Variants in TMOD1 observed in about 807,000 individuals in gnomAD.
The protein encoded by TMOD1 is tropomodulin 1, also known as tropomodulin-1.
A neutral mutation model predicts 40.6 loss-of-function variants in TMOD1; 17 were observed. The observed-to-expected ratio is 0.42, with a 90% confidence interval of 0.29 to 0.63. The LOEUF (loss-of-function observed/expected upper bound fraction) is 0.63, where lower values mean the gene tolerates loss of function less well. TMOD1 is among the 20% of genes least tolerant of loss of function. TMOD1 has a pLI of 0.22. For missense variants in TMOD1, 391 were observed against 447.6 expected, an observed-to-expected ratio of 0.87 and a Z score of 1.14; for synonymous variants, 181 against 175.0, an observed-to-expected ratio of 1.03 and a Z score of -0.27.
intron 4 of TMOD1, among the ~76,000 whole-genome samples, chr9:97,556,841 G>A (rs1050526351): frequency 7.2e-5 from 11 of 152,216 alleles, no homozygotes; most frequent in Admixed American, 4.6e-4. Flanking sequence ...GTGAGAAAGT[G>A]CGGAGAAGGT....
chr9:97,555,789 T>C, intron 4 of TMOD1: 1 of 1,155,904 alleles, frequency 8.7e-7, no homozygotes, highest in Admixed American at 2.0e-5. Context: ...TGTCCCCATT[T>C]TATGGATGGA....
chr9:97,572,953 C>T (rs1210002119), intron 8 of TMOD1, among the ~76,000 whole-genome samples: 2 of 152,206 alleles, frequency 1.3e-5, no homozygotes, highest in Non-Finnish European at 2.9e-5. Flanking sequence ...GAGCAGACCC[C>T]AGAGCCAGAA....
intron 3 of TMOD1, 71 bp downstream of exon 3, chr9:97,546,412 C>T: frequency 6.7e-7 from 1 of 1,498,166 alleles, no homozygotes; most frequent in South Asian, 1.3e-5. Context: ...TATGCCAGGC[C>T]CTGCCAGGCC....
chr9:97,521,382 C>T (rs1187281241), intron 1 of TMOD1, among the ~76,000 whole-genome samples: 3 of 152,166 alleles, frequency 2.0e-5, no homozygotes, highest in African/African-American at 7.2e-5. Flanking sequence ...CTTGTGTTTG[C>T]AGCCTCTCTA....
rs1012423453 is a variant in TMOD1 at position 97,591,318 on chromosome 9, A to G, written c.898A>G (p.Met300Val). 3.1e-6 allele frequency: 5 copies of G among 1,614,028 alleles called. No homozygotes were observed. The African/African-American group carries it at 4.0e-5, about 13-fold the overall frequency. ...QSQPLGNKVEMEIVSMLEKNA... is the reference protein window; with the variant it reads ...QSQPLGNKVEVEIVSMLEKNA... ...CCAGCCCCTGGGCAACAAAGTGGAA[A>G]TGGAGATTGTGAGCATGTTGGAAAA... Residue 300 changes from methionine (M) to valine (V), a missense_variant, in exon 9 of 10, where the codon ATG becomes GTG. Physicochemically the swap from Met to Val is conservative, Grantham distance 21. Transcript: ENST00000259365.
chr9:97,519,700 C>T (rs760909036), intron 1 of TMOD1, among the ~76,000 whole-genome samples: 1 of 152,206 alleles, frequency 6.6e-6, no homozygotes, highest in Non-Finnish European at 1.5e-5. Context: ...GCTCATTCCC[C>T]ATTCCTCAGG....
chr9:97,530,857 G>A (rs992183069), intron 2 of TMOD1, among the ~76,000 whole-genome samples: 3 of 135,716 alleles, frequency 2.2e-5, no homozygotes, highest in South Asian at 4.7e-4. Context: ...GCGTGATCTC[G>A]GCTCATTGTG....
chr9:97,565,902 T>A lies in TMOD1; in HGVS notation c.673T>A (p.Tyr225Asn). Residue 225 changes from tyrosine to asparagine, a missense_variant, in exon 7 of 10, where the codon TAT becomes AAT. By Grantham distance (143) the Tyr-to-Asn change is moderately radical (BLOSUM62 -2). Coordinates refer to ENST00000259365, the MANE Select transcript of TMOD1 (RefSeq NM_003275.4). ...AYAEALKENS[Y>N]VKKFSIVGTR... ...TGCAGAAGCCCTGAAAGAAAACTCA[T>A]ATGTGAAGAAGTTCAGCATCGTGGG... 6.2e-7 allele frequency: 1 copy of A among 1,614,178 alleles called. No individual in the cohort carries two copies. Among genetic ancestry groups the A allele is most frequent in the South Asian group, 1.1e-5 (1 of 91,076 alleles).
At chr9:97,559,789 AAAAAAATATAT>A (rs1239922411) in intron 4 of TMOD1, among the ~76,000 whole-genome samples, 4 of 43,812 alleles carry the variant, frequency 9.1e-5, no homozygotes, top group African/African-American at 3.6e-4. Context: ...AAAAAAAAAA[AAAAAAATATAT>A]ATATATATAT....
chr9:97,510,761 C>T (rs1287644165), intron 1 of TMOD1, among the ~76,000 whole-genome samples: 11 of 152,140 alleles, frequency 7.2e-5, no homozygotes. Context: ...CCAAAGAACT[C>T]TGATGGCCTC....
chr9:97,514,244 G>GGT (rs144702410), intron 1 of TMOD1, among the ~76,000 whole-genome samples: 3 of 31,912 alleles, frequency 9.4e-5, no homozygotes, highest in Non-Finnish European at 2.5e-4. Flanking sequence ...TTTTTTTGGG[G>GGT]GGGGGGTTGT....
intron 1 of TMOD1, among the ~76,000 whole-genome samples, chr9:97,521,425 C>T (rs530119843): frequency 1.3e-5 from 2 of 152,160 alleles, no homozygotes; most frequent in Non-Finnish European, 2.9e-5. Context: ...TTCTGGACAT[C>T]TCTGTGAGTT....
chr9:97,577,722 G>T (rs972880019), intron 8 of TMOD1, among the ~76,000 whole-genome samples: 1 of 152,158 alleles, frequency 6.6e-6, no homozygotes, highest in Non-Finnish European at 1.5e-5. Flanking sequence ...AGCAAGCCAA[G>T]ATCGTGCTAT....
intron 2 of TMOD1, among the ~76,000 whole-genome samples, chr9:97,534,164 G>A (rs796199881): frequency 2.0e-5 from 3 of 152,308 alleles, no homozygotes; most frequent in African/African-American, 7.2e-5. Flanking sequence ...TAGCTGCAAG[G>A]GAGCCTGTGA....
intron 3 of TMOD1, among the ~76,000 whole-genome samples, chr9:97,551,521 T>A (rs1432761172): frequency 1.3e-5 from 2 of 152,218 alleles, no homozygotes; most frequent in Non-Finnish European, 2.9e-5. Flanking sequence ...CATAGATGTT[T>A]GAGTTTCTTT....
At chr9:97,597,748 A>G (rs999480881) in intron 9 of TMOD1, among the ~76,000 whole-genome samples, 6 of 150,528 alleles carry the variant, frequency 4.0e-5, no homozygotes. Context: ...CCATGCACAC[A>G]CACACACAGA....
chr9:97,574,899 CG>C (rs1830897760), intron 8 of TMOD1, among the ~76,000 whole-genome samples: 2 of 152,140 alleles, frequency 1.3e-5, no homozygotes, highest in Admixed American at 1.3e-4. Flanking sequence ...GGATTGTAAA[CG>C]CACCAGTCAG....
At chr9:97,581,363 A>G (rs1353406685) in intron 8 of TMOD1, among the ~76,000 whole-genome samples, 2 of 151,424 alleles carry the variant, frequency 1.3e-5, no homozygotes, top group Non-Finnish European at 2.9e-5. Flanking sequence ...CATGGTGTAT[A>G]TGTGCCACAT....
chr9:97,561,638 C>T (rs1328584198), intron 4 of TMOD1, among the ~76,000 whole-genome samples: 1 of 152,194 alleles, frequency 6.6e-6, no homozygotes, highest in African/African-American at 2.4e-5. Flanking sequence ...CAGCTTCTAT[C>T]CTGTTTCCCC....
Sources: allele counts gnomAD v4.1 joint callset (sites outside exome capture counted in the v4.1 genomes callset), GRCh38; gene constraint gnomAD v4.1.1; transcripts MANE v1.5; gene names NCBI Gene and HGNC (gene_info 2026-07-23, HGNC 2026-07-21).